BOLL: variants seen among roughly 807,000 people sequenced by gnomAD.
The protein encoded by BOLL is protein boule-like.
BOLL carries 23 observed loss-of-function variants against 44.4 expected under a neutral mutation model. The observed-to-expected ratio is 0.52, with a 90% CI of 0.37 to 0.73. The LOEUF (loss-of-function observed/expected upper bound fraction) is 0.73. BOLL is among the 30% of genes least tolerant of loss of function. The pLI is 0.00. For synonymous variants in BOLL, 97 were observed against 110.8 expected (o/e 0.88, Z 0.78); for missense variants, 287 against 338.3 (o/e 0.85, Z 1.19).
At chr2:197,746,729 G>A (rs535662438) in intron 9 of BOLL, among the ~76,000 whole-genome samples, 53 of 151,860 alleles carry the variant, frequency 3.5e-4, no homozygotes, top group Admixed American at 2.6e-3. Flanking sequence ...GTGAAACCCC[G>A]TCTCTACTAA....
chr2:197,742,123 T>C (rs199909208), intron 10 of BOLL, among the ~76,000 whole-genome samples: 24 of 152,192 alleles, frequency 1.6e-4, no homozygotes, highest in African/African-American at 3.9e-4. Flanking sequence ...GATACCATCT[T>C]ACACCAGTTA....
intron 10 of BOLL, among the ~76,000 whole-genome samples, chr2:197,729,085 T>G (rs920221197): frequency 6.6e-6 from 1 of 151,876 alleles, no homozygotes; most frequent in South Asian, 2.1e-4. Flanking sequence ...CACTAGGGAG[T>G]GCCAGACAGT....
intron 5 of BOLL, among the ~76,000 whole-genome samples, chr2:197,773,097 A>G (rs1558993940): frequency 6.6e-6 from 1 of 151,660 alleles, no homozygotes; most frequent in Non-Finnish European, 1.5e-5. Context: ...ATTTATTTTA[A>G]TGGTTCTTAA....
At chr2:197,775,173 A>G (rs1223684159) in intron 5 of BOLL, among the ~76,000 whole-genome samples, 1 of 151,900 alleles carries the variant, frequency 6.6e-6, no homozygotes, top group Non-Finnish European at 1.5e-5. Flanking sequence ...TACATAATTT[A>G]GCCAATTCCT....
chr2:197,778,445 TA>T (rs1689613698), intron 3 of BOLL, among the ~76,000 whole-genome samples: 1 of 151,940 alleles, frequency 6.6e-6, no homozygotes, highest in South Asian at 2.1e-4. Flanking sequence ...GAAACAGCTC[TA>T]TACACATTTA....
Position 197,777,107 on chromosome 2 carries a change from A to G in BOLL, c.228T>C (p.Gly76=). 6.4e-7 allele frequency: 1 copy of G among 1,550,850 alleles called. No individual in the cohort carries two copies. The highest frequency in any genetic ancestry group is 8.8e-7 in the Non-Finnish European group (1 of 1,134,388). Residue 76 remains glycine (G), a synonymous_variant, in exon 4 of 11, where the codon GGT becomes GGC. Coordinates refer to ENST00000392296, the MANE Select transcript of BOLL (RefSeq NM_033030.6). ...NDRAGVSKGY[G]FVTFETQEDA... ...CTTCTTGTGTTTCAAAAGTGACGAAACCATACCTAAATAAATGCATTAATT... is the reference window on the plus strand; with the variant it reads ...CTTCTTGTGTTTCAAAAGTGACGAAGCCATACCTAAATAAATGCATTAATT...
chr2:197,748,476 C>A (rs1688087601), intron 9 of BOLL, among the ~76,000 whole-genome samples: 1 of 152,232 alleles, frequency 6.6e-6, no homozygotes. Flanking sequence ...CAAGCTAAGA[C>A]CCACTGGCTT....
chr2:197,746,402 C>A (rs977499310), intron 9 of BOLL, among the ~76,000 whole-genome samples: 10 of 152,112 alleles, frequency 6.6e-5, no homozygotes, highest in Non-Finnish European at 1.5e-4. Flanking sequence ...ACCTTAGTGT[C>A]CATCAATCAG....
At chr2:197,770,265 A>T (rs1689183491) in intron 6 of BOLL, among the ~76,000 whole-genome samples, 1 of 152,216 alleles carries the variant, frequency 6.6e-6, no homozygotes, top group African/African-American at 2.4e-5. Context: ...CTATTTAATA[A>T]ATGGTGCTAG....
rs1409999907 is a variant in BOLL at position 197,727,039 on chromosome 2, C to T, written c.*1516G>A. ...AACATCAGTGGTTAGTAATTTTTTA[C>T]TTACAGAACAAAAACTTCTGAAATT... On this transcript the variant is annotated 3_prime_UTR_variant, in exon 11 of 11. Coordinates refer to ENST00000392296, the MANE Select transcript of BOLL (RefSeq NM_033030.6). The T allele has an allele frequency of 6.6e-6, 1 of 152,576 alleles. No individual in the cohort carries two copies. Among genetic ancestry groups the T allele is most frequent in the Non-Finnish European group, 1.5e-5 (1 of 68,022 alleles). The allele number at this position is 152,576 out of a possible 1,614,324, so 9.5% of individuals were successfully genotyped here. A position where few individuals can be genotyped will look rare whatever the true frequency, so the allele number is the denominator to read the frequency against.
chr2:197,731,963 G>C (rs200211149), intron 10 of BOLL, among the ~76,000 whole-genome samples: 1 of 149,400 alleles, frequency 6.7e-6, no homozygotes, highest in Non-Finnish European at 1.5e-5. Context: ...ATAACTAAGA[G>C]CAGAACTGAA....
chr2:197,774,812 A>C (rs1479131038), intron 5 of BOLL: 2 of 151,924 alleles, frequency 1.3e-5, no homozygotes, highest in African/African-American at 4.8e-5. Flanking sequence ...AATTAAACTT[A>C]ATATACATCA....
chr2:197,785,842 G>A (rs1167884957), upstream of BOLL: 7 of 779,648 alleles, frequency 9.0e-6, no homozygotes, highest in Non-Finnish European at 1.5e-5. This position sits in a 1 kb window ranked among gnomAD's most constrained non-coding sequence, Gnocchi z 6.7. Context: ...CGGTCGATGG[G>A]GCACCTGGCC....
Position 197,743,078 on chromosome 2 carries a change from G to A in BOLL, c.811C>T (p.Gln271Ter). ...TTTCTTACTTTAATTGGCTCAGGCT[G>A]CATCACAGGCGCAGGCATAGTGATG... ...SAITMPAPVM[Q>*]PEPIKTVWSI... The change falls in exon 10 of 11, where the codon CAG (glutamine) becomes TAG (stop). Residue 271 changes from glutamine (Q) to a stop codon, truncating the protein, a stop_gained. Transcript: ENST00000392296. LOFTEE classifies it high-confidence loss of function. 2 of 1,596,674 alleles carry A rather than the reference G, an allele frequency of 1.3e-6. No individual in the cohort carries two copies. The highest frequency in any genetic ancestry group is 1.7e-6 in the Non-Finnish European group (2 of 1,172,202).
intron 9 of BOLL, among the ~76,000 whole-genome samples, chr2:197,748,783 G>C (rs976019189): frequency 1.3e-5 from 2 of 152,218 alleles, no homozygotes; most frequent in Non-Finnish European, 2.9e-5. Flanking sequence ...AAAACACCTG[G>C]GGGAAGGGGC....
chr2:197,732,333 A>G (rs1687229634), intron 10 of BOLL, among the ~76,000 whole-genome samples: 1 of 152,154 alleles, frequency 6.6e-6, no homozygotes, highest in African/African-American at 2.4e-5. Context: ...TTACCAACCA[A>G]AAAGAGTCCA....
intron 10 of BOLL, among the ~76,000 whole-genome samples, chr2:197,738,456 A>G (rs1687593552): frequency 6.6e-6 from 1 of 152,056 alleles, no homozygotes; most frequent in African/African-American, 2.4e-5. Context: ...TAATCTAGTT[A>G]CCTCTATATT....
At chr2:197,731,356 T>A (rs1364001711) in intron 10 of BOLL, among the ~76,000 whole-genome samples, 49 of 144,868 alleles carry the variant, frequency 3.4e-4, no homozygotes, top group African/African-American at 1.2e-3. Context: ...CTCCCACACA[T>A]TAATAATGGG....
intron 10 of BOLL, among the ~76,000 whole-genome samples, chr2:197,741,821 T>C (rs1298397049): frequency 1.3e-5 from 2 of 152,046 alleles, no homozygotes; most frequent in African/African-American, 4.8e-5. Context: ...TGGGATCTAA[T>C]TAAACTAAAG....
Sources: gnomAD v4.1 joint callset for allele counts (sites outside exome capture counted in the v4.1 genomes callset) on GRCh38, gnomAD v4.1.1 for gene constraint, Gnocchi (gnomAD v3.1) non-coding constraint, MANE v1.5 for transcripts, NCBI Gene and HGNC (gene_info 2026-07-23, HGNC 2026-07-21) for gene names.